The following PITRM1 variants were observed in gnomAD, a reference collection of about 807,000 sequenced individuals.
PITRM1 encodes the protein presequence protease, mitochondrial.
Under a neutral mutation model 129.9 loss-of-function variants are expected in PITRM1, and 100 were observed. That is an observed-to-expected ratio of 0.77 (90% CI 0.65 to 0.91). PITRM1 has a LOEUF of 0.91. Among genes scored for constraint, PITRM1 ranks in the 40% least tolerant of loss-of-function variants. The probability of loss-of-function intolerance (pLI) is 0.00; values close to 1 mark genes in which losing one functional copy is unlikely to be tolerated. For synonymous variants in PITRM1, 591 were observed against 508.8 expected (o/e 1.16, Z -2.17); for missense variants, 1,471 against 1,318.3 (o/e 1.12, Z -1.79).
At chr10:3,148,632 A>C in intron 16 of PITRM1, 1 of 214,712 alleles carries the variant, frequency 4.7e-6, no homozygotes, top group East Asian at 1.0e-4. Context: ...ACTACTCCCT[A>C]CTCTCTTCAC....
chr10:3,148,425 G>GA, intron 16 of PITRM1, 134 bp from the exon 17 acceptor site: 1 of 1,151,346 alleles, frequency 8.7e-7, no homozygotes, highest in East Asian at 2.4e-5. Context: ...TCTACACTTC[G>GA]AAGGTCATAA....
chr10:3,146,921 A>T, intron 20 of PITRM1: 1 of 336,050 alleles, frequency 3.0e-6, no homozygotes. Flanking sequence ...ACTTGCCCTC[A>T]ATCTATTTGC....
At chr10:3,144,798 C>G (rs1840677114) in intron 21 of PITRM1, among the ~76,000 whole-genome samples, 1 of 151,690 alleles carries the variant, frequency 6.6e-6, no homozygotes, top group African/African-American at 2.4e-5. Context: ...GAGACAGACC[C>G]TGTCTCAAAA....
At position 3,155,517 on chromosome 10, in the gene PITRM1, T is replaced by C. The variant is rs1236941634; in HGVS notation, c.1621+74A>G. On this transcript the variant is annotated intron_variant, in intron 14 of 26. Coordinates refer to ENST00000224949, the MANE Select transcript of PITRM1 (RefSeq NM_014889.4). ...GGTTGAAATAATACCTGCCTCCAAC[T>C]ACTAACTCACTAACAAGTCCACTAG... is the stretch of plus-strand genomic sequence containing the variant. The C allele has an allele frequency of 5.1e-6, 8 of 1,576,428 alleles. No homozygotes were observed. In the East Asian group the frequency reaches 1.8e-4, roughly 36 times the overall value.
In PITRM1 at chr10:3,138,044, C is replaced by T. The variant is rs1839724715; in HGVS notation, c.3101G>A (p.Trp1034Ter). Residue 1034 changes from tryptophan to a stop codon, truncating the protein, a stop_gained, in exon 27 of 27, where the codon TGG (tryptophan) becomes TAG (stop). Coordinates refer to ENST00000224949, the MANE Select transcript of PITRM1 (RefSeq NM_014889.4). LOFTEE classifies it high-confidence loss of function. ...CGCCACGGCTGCTCATTGGATGATCCAGGATGGGTCCTTGGCAATTTTCGG... is the reference window on the plus strand; with the variant it reads ...CGCCACGGCTGCTCATTGGATGATCTAGGATGGGTCCTTGGCAATTTTCGG... Reference protein sequence around the residue: ...ENPKIAKDPSWIIQ With the variant: ...ENPKIAKDPS 1.2e-6 allele frequency: 2 copies of T among 1,605,344 alleles called. No individual in the cohort carries two copies. Among genetic ancestry groups the T allele is most frequent in the East Asian group, 2.2e-5 (1 of 44,698 alleles).
rs746296144 is a variant in PITRM1, at chr10:3,158,960, C to G, written c.1090G>C (p.Ala364Pro). Residue 364 changes from alanine to proline, a missense_variant, in exon 10 of 27, where the codon GCC becomes CCC. By Grantham distance (27) the Ala-to-Pro change is conservative. Transcript: ENST00000224949. ...GTGCCAAGGCCAGATTCAATCAAGG[C>G]TTTGTAAAAGGGAGAATTGGGCCCA... ...TSGPNSPFYK[A>P]LIESGLGTDF... The G allele has an allele frequency of 6.2e-7, 1 of 1,613,250 alleles. No homozygotes were observed. Among genetic ancestry groups the G allele is most frequent in the Non-Finnish European group, 8.5e-7 (1 of 1,179,676 alleles).
At chr10:3,138,391 G>A (rs1406548789) in intron 25 of PITRM1, 54 bp from the exon 26 acceptor site, 5 of 1,228,256 alleles carry the variant, frequency 4.1e-6, no homozygotes, top group Non-Finnish European at 6.0e-6. Context: ...CTCGCGTTGT[G>A]GGCTGTGCAC....
chr10:3,152,682 T>TA (rs1588672770), intron 14 of PITRM1, among the ~76,000 whole-genome samples: 1 of 152,202 alleles, frequency 6.6e-6, no homozygotes, highest in Non-Finnish European at 1.5e-5. Flanking sequence ...GCCACCTACC[T>TA]AACATCCTGA....
intron 21 of PITRM1, chr10:3,145,341 T>A (rs1489629203): frequency 2.3e-6 from 1 of 438,924 alleles, no homozygotes; most frequent in Non-Finnish European, 4.0e-6. Context: ...TGTTTTCCTA[T>A]CAGACTACTC....
rs1222526587 is a variant in PITRM1 at position 3,159,883 on chromosome 10, T to C, written c.972A>G (p.Lys324=). 6.2e-7 allele frequency: 1 copy of C among 1,605,890 alleles called. No individual in the cohort carries two copies. Among genetic ancestry groups the C allele is most frequent in the Middle Eastern group, 1.7e-4 (1 of 6,056 alleles). The change falls in exon 9 of 27, where the codon AAA becomes AAG. Residue 324 remains lysine, a synonymous_variant. Coordinates refer to ENST00000224949, the MANE Select transcript of PITRM1 (RefSeq NM_014889.4). ...GGAAGCTAACGCTGATGGTTGTTTG[T>C]TTAGAGGGATCTGTAGCAAATGAAT... ...GPDSFATDPS[K]QTTISVSFLL...
At chr10:3,172,688 G>T in intron 1 of PITRM1, 29 bp downstream of exon 1, 3 of 1,527,988 alleles carry the variant, frequency 2.0e-6, no homozygotes, top group Non-Finnish European at 8.8e-7. Flanking sequence ...GTACCAGCGC[G>T]CCGAGCGCCT....
chr10:3,154,510 T>C (rs1377190111), intron 14 of PITRM1, among the ~76,000 whole-genome samples: 1 of 152,198 alleles, frequency 6.6e-6, no homozygotes, highest in Non-Finnish European at 1.5e-5. Context: ...AGGTGTATAA[T>C]TGTATATCAC....
chr10:3,171,481 T>C (rs1354025233), intron 1 of PITRM1, among the ~76,000 whole-genome samples: 3 of 152,176 alleles, frequency 2.0e-5, no homozygotes, highest in Non-Finnish European at 4.4e-5. Flanking sequence ...TCTCACTCTG[T>C]TGCCCAGGCT....
chr10:3,143,495 T>TG lies in PITRM1; in HGVS notation c.2538dup (p.Thr847HisfsTer22). On this transcript the variant is annotated frameshift_variant, in exon 23 of 27. Coordinates refer to ENST00000224949, the MANE Select transcript of PITRM1 (RefSeq NM_014889.4). LOFTEE classifies it high-confidence loss of function. ...GTCTTCATCTGCCAGGGCTTGAAGG[T>TG]GGGTTCCTGAGGGACACGGTATGGT... 6.2e-7 allele frequency: 1 copy of TG among 1,611,030 alleles called. No homozygotes were observed. Among genetic ancestry groups the TG allele is most frequent in the Non-Finnish European group, 8.5e-7 (1 of 1,177,240 alleles).
chr10:3,152,135 A>G (rs1841577216), intron 14 of PITRM1, among the ~76,000 whole-genome samples: 1 of 152,324 alleles, frequency 6.6e-6, no homozygotes, highest in African/African-American at 2.4e-5. Context: ...AGTGGTGCTT[A>G]GAAAGACACT....
intron 6 of PITRM1, 46 bp downstream of exon 6, chr10:3,165,192 T>C (rs899339619): frequency 3.5e-5 from 45 of 1,289,480 alleles, no homozygotes; most frequent in Non-Finnish European, 4.5e-5. Flanking sequence ...ATATTGTACA[T>C]GGGAAAGGTA....
chr10:3,144,033 G>T, intron 22 of PITRM1: 1 of 571,896 alleles, frequency 1.7e-6, no homozygotes, highest in East Asian at 3.0e-5. Context: ...CCCTCTTCCT[G>T]GGCACAGGGA....
At position 3,166,388 on chromosome 10, in the gene PITRM1, AG is replaced by A. The variant is rs201675374; in HGVS notation, c.267-9del. 13 of 1,500,354 alleles carry A rather than the reference AG, an allele frequency of 8.7e-6. No homozygotes were observed. The highest frequency in any genetic ancestry group is 1.7e-5 in the Admixed American group (1 of 57,252). The allele number at this position is 1,500,354 out of a possible 1,614,324, so 92.9% of individuals were successfully genotyped here. ...GTAGTACGGAACTGCACGCTAGGGA[AG>A]GAGAATGACCAGAACGCAAAAGGTT... is the stretch of plus-strand genomic sequence containing the variant. On this transcript the variant is annotated splice_polypyrimidine_tract_variant and intron_variant, in intron 3 of 26. Coordinates refer to ENST00000224949, the MANE Select transcript of PITRM1 (RefSeq NM_014889.4).
rs768576241 is a variant in PITRM1 at position 3,170,243 on chromosome 10, G to T, written c.57-37C>A. 2.0e-6 allele frequency: 3 copies of T among 1,463,652 alleles called. No homozygotes were observed. The African/African-American group carries it at 4.2e-5, about 20-fold the overall frequency. 90.7% of individuals were successfully genotyped at this position (1,463,652 alleles called of 1,614,324 possible). On this transcript the variant is annotated intron_variant, in intron 1 of 26. Transcript: ENST00000224949. ...GTCATCTAAGTTAGATGAGTTGCAGGAAAAGTATCTGGCTAACATTATTCA... is the reference window on the plus strand; with the variant it reads ...GTCATCTAAGTTAGATGAGTTGCAGTAAAAGTATCTGGCTAACATTATTCA...
Sources: allele counts gnomAD v4.1 joint callset (sites outside exome capture counted in the v4.1 genomes callset), GRCh38; gene constraint gnomAD v4.1.1; transcripts MANE v1.5; gene names NCBI Gene and HGNC (gene_info 2026-07-23, HGNC 2026-07-21).